CTNND2: variants seen among roughly 807,000 people sequenced by gnomAD.
CTNND2 encodes the protein catenin delta 2, also known as catenin delta-2.
Under a neutral mutation model 144.4 loss-of-function variants are expected in CTNND2, and 22 were observed. The ratio of observed to expected loss-of-function variants is 0.15; its 90% CI spans 0.11 to 0.22. The LOEUF (loss-of-function observed/expected upper bound fraction) is 0.22. Among genes scored for constraint, CTNND2 ranks in the 10% least tolerant of loss-of-function variants. The probability of loss-of-function intolerance (pLI) is 1.00; values close to 1 mark genes in which losing one functional copy is unlikely to be tolerated. For missense variants in CTNND2, 1,353 were observed against 1,618.8 expected, an observed-to-expected ratio of 0.84 and a Z score of 2.82; for synonymous variants, 751 against 695.6, an observed-to-expected ratio of 1.08 and a Z score of -1.25.
At chr5:11,847,252 G>A (rs1841075) in intron 1 of CTNND2, among the ~76,000 whole-genome samples, 19,187 of 148,394 alleles carry the variant, frequency 0.13, 3,441 homozygotes, top group African/African-American at 0.41. Flanking sequence ...CTACAAATGA[G>A]TGGATAAAGA....
intron 1 of CTNND2, among the ~76,000 whole-genome samples, chr5:11,845,577 A>G (rs759753565): frequency 1.3e-5 from 2 of 152,208 alleles, no homozygotes; most frequent in Non-Finnish European, 1.5e-5. Context: ...CTAGGGAACT[A>G]CCAGAAACCT....
At chr5:11,717,981 A>G (rs1475366452) in intron 2 of CTNND2, among the ~76,000 whole-genome samples, 1 of 152,224 alleles carries the variant, frequency 6.6e-6, no homozygotes, top group East Asian at 1.9e-4. Flanking sequence ...AAATAGCTTT[A>G]TTGACTTCCA....
At chr5:11,304,910 C>T (rs961537180) in intron 9 of CTNND2, among the ~76,000 whole-genome samples, 3 of 152,144 alleles carry the variant, frequency 2.0e-5, no homozygotes, top group East Asian at 1.9e-4. Context: ...TTAAGAAGCA[C>T]GTTATCCCAA....
chr5:11,055,379 C>T (rs535271515), intron 16 of CTNND2, among the ~76,000 whole-genome samples: 66 of 152,308 alleles, frequency 4.3e-4, no homozygotes, highest in African/African-American at 9.9e-4. Context: ...GACTCTTAGC[C>T]CTGGGGTGAG....
At chr5:11,075,265 C>T (rs1193796997) in intron 16 of CTNND2, among the ~76,000 whole-genome samples, 2 of 152,144 alleles carry the variant, frequency 1.3e-5, no homozygotes, top group Non-Finnish European at 2.9e-5. Context: ...TCTTGTGCTC[C>T]TTTTGAGGTT....
In CTNND2 at chr5:11,903,208, C is replaced by G; in HGVS notation, c.37+609G>C. Reference sequence around the variant, plus strand: ...GCGGCGCTTTCTGGAGCCTGGCTGTCTATTGTCAGCACGCAGAAGCCCCCG... The same window carrying G: ...GCGGCGCTTTCTGGAGCCTGGCTGTGTATTGTCAGCACGCAGAAGCCCCCG... On this transcript the variant is annotated intron_variant, in intron 1 of 21. Coordinates refer to ENST00000304623, the MANE Select transcript of CTNND2 (RefSeq NM_001332.4). The surrounding 1 kb of genome is among the most constrained non-coding windows in gnomAD (Gnocchi z 5.4). 1.0e-6 allele frequency: 1 copy of G among 985,506 alleles called. No homozygotes were observed. The highest frequency in any genetic ancestry group is 1.2e-6 in the Non-Finnish European group (1 of 830,008). The allele number at this position is 985,506 out of a possible 1,614,324, so 61.0% of individuals were successfully genotyped here. A position where few individuals can be genotyped will look rare whatever the true frequency, so the allele number is the denominator to read the frequency against.
At chr5:11,571,372 G>C (rs1347510471) in intron 2 of CTNND2, among the ~76,000 whole-genome samples, 1 of 152,032 alleles carries the variant, frequency 6.6e-6, no homozygotes, top group East Asian at 1.9e-4. Context: ...CCCTGAAAAG[G>C]CTCTTCCTAG....
At chr5:11,475,329 T>C (rs1039835452) in intron 3 of CTNND2, among the ~76,000 whole-genome samples, 11 of 152,218 alleles carry the variant, frequency 7.2e-5, no homozygotes, top group African/African-American at 2.4e-4. Flanking sequence ...GAGCAGTAAG[T>C]AATTAATTTT....
intron 3 of CTNND2, among the ~76,000 whole-genome samples, chr5:11,546,951 C>G (rs537922858): frequency 3.3e-5 from 5 of 152,086 alleles, no homozygotes; most frequent in African/African-American, 1.2e-4. Context: ...TCCTAACATG[C>G]GAAAAAATCA....
chr5:11,725,590 T>A (rs1427008808), intron 2 of CTNND2, among the ~76,000 whole-genome samples: 4 of 152,108 alleles, frequency 2.6e-5, no homozygotes, highest in Non-Finnish European at 5.9e-5. Flanking sequence ...ATGATGAGGT[T>A]GTGTAGTGTA....
At chr5:11,248,985 G>T (rs1743294896) in intron 9 of CTNND2, among the ~76,000 whole-genome samples, 1 of 152,162 alleles carries the variant, frequency 6.6e-6, no homozygotes, top group Non-Finnish European at 1.5e-5. Context: ...AATCTTAATA[G>T]AATCTAACAA....
intron 8 of CTNND2, among the ~76,000 whole-genome samples, chr5:11,360,687 T>G (rs2149764185): frequency 1.3e-5 from 2 of 152,290 alleles, no homozygotes; most frequent in South Asian, 4.2e-4. Flanking sequence ...AATCCCTCAT[T>G]TCAATGTCTT....
chr5:11,410,217 C>G (rs894694574), intron 5 of CTNND2, among the ~76,000 whole-genome samples: 15 of 152,028 alleles, frequency 9.9e-5, no homozygotes, highest in African/African-American at 3.4e-4. Context: ...TTTTTCAATA[C>G]AAAATACAGA....
intron 7 of CTNND2, among the ~76,000 whole-genome samples, chr5:11,382,492 G>A (rs919412608): frequency 1.3e-5 from 2 of 152,042 alleles, no homozygotes; most frequent in Non-Finnish European, 1.5e-5. Flanking sequence ...CCAGCTATCG[G>A]GAGGCTGAGG....
chr5:11,139,570 TTC>T (rs1185095522), intron 12 of CTNND2, among the ~76,000 whole-genome samples: 2 of 152,214 alleles, frequency 1.3e-5, no homozygotes, highest in South Asian at 2.1e-4. Context: ...AAATCCCATT[TTC>T]TCTCTGTTTG....
intron 2 of CTNND2, among the ~76,000 whole-genome samples, chr5:11,606,112 G>A (rs961005595): frequency 1.3e-5 from 2 of 152,098 alleles, no homozygotes; most frequent in Admixed American, 6.6e-5. Context: ...ATGAAGCCAC[G>A]AGCCAAGGAA....
At chr5:11,436,701 G>A (rs974033777) in intron 3 of CTNND2, among the ~76,000 whole-genome samples, 2 of 152,030 alleles carry the variant, frequency 1.3e-5, no homozygotes, top group Admixed American at 6.6e-5. Context: ...TTAGAACAAA[G>A]GATTTCAAAA....
chr5:11,864,053 C>T (rs1795626009), intron 1 of CTNND2, among the ~76,000 whole-genome samples: 1 of 152,104 alleles, frequency 6.6e-6, no homozygotes, highest in Admixed American at 6.5e-5. Flanking sequence ...TCACGAACGT[C>T]ATGTTTCACT....
chr5:11,088,287 G>A (rs1750392512), intron 15 of CTNND2, among the ~76,000 whole-genome samples: 1 of 152,178 alleles, frequency 6.6e-6, no homozygotes, highest in South Asian at 2.1e-4. Flanking sequence ...ACACCATTGA[G>A]AAGGGGAAAC....
Sources: allele counts gnomAD v4.1 joint callset (sites outside exome capture counted in the v4.1 genomes callset), GRCh38; gene constraint gnomAD v4.1.1; non-coding constraint Gnocchi (gnomAD v3.1); transcripts MANE v1.5; gene names NCBI Gene and HGNC (gene_info 2026-07-23, HGNC 2026-07-21).